Variants in FBXO34 observed in about 807,000 individuals in gnomAD.
FBXO34 encodes F-box protein 34.
Under a neutral mutation model 24.5 loss-of-function variants are expected in FBXO34, and 12 were observed. The observed-to-expected ratio is 0.49, with a 90% confidence interval of 0.31 to 0.79. FBXO34 has a LOEUF of 0.79. Ranked by LOEUF, FBXO34 falls within the 30% of genes least tolerant of loss-of-function variation. The probability of loss-of-function intolerance (pLI) is 0.04; values close to 1 mark genes in which losing one functional copy is unlikely to be tolerated. For missense variants in FBXO34, 823 were observed against 857.7 expected (o/e 0.96, Z 0.51); for synonymous variants, 320 against 311.9 (o/e 1.03, Z -0.27).
chr14:55,341,005 T>A (rs1219395080), intron 1 of FBXO34, among the ~76,000 whole-genome samples: 1 of 152,120 alleles, frequency 6.6e-6, no homozygotes, highest in Non-Finnish European at 1.5e-5. Context: ...TAAAAATACA[T>A]GTTAAAGAAA....
intron 1 of FBXO34, among the ~76,000 whole-genome samples, chr14:55,301,682 C>T (rs1882361804): frequency 1.3e-5 from 2 of 152,144 alleles, no homozygotes; most frequent in African/African-American, 4.8e-5. Context: ...ACTCTGCTCT[C>T]TTCAGTAGAA....
At chr14:55,436,822 A>G in the FBXO34 span, 2 of 1,614,230 alleles carry the variant, frequency 1.2e-6, no homozygotes, top group Admixed American at 3.3e-5. Flanking sequence ...GTGTTTGCTA[A>G]TGACAGGCTG....
chr14:55,336,277 G>T (rs1479709779), intron 1 of FBXO34, among the ~76,000 whole-genome samples: 1 of 151,956 alleles, frequency 6.6e-6, no homozygotes, highest in African/African-American at 2.4e-5. Context: ...TTTATTTCCT[G>T]TTCAGTTTTC....
chr14:55,391,357 T>C, the FBXO34 span: 2 of 163,204 alleles, frequency 1.2e-5, no homozygotes, highest in African/African-American at 4.9e-5. Context: ...ATGCCTGTAA[T>C]CCCAGCTACT....
chr14:55,378,170 C>A, the FBXO34 span: 1 of 994,638 alleles, frequency 1.0e-6, no homozygotes, highest in Non-Finnish European at 1.5e-6. Flanking sequence ...AACACATACT[C>A]TGTGCCCTTT....
chr14:55,307,961 C>G (rs1882608898), intron 1 of FBXO34, among the ~76,000 whole-genome samples: 1 of 152,102 alleles, frequency 6.6e-6, no homozygotes, highest in Admixed American at 6.5e-5. Flanking sequence ...AGGATAGGGC[C>G]AGGTGGAGAT....
chr14:55,296,173 G>C (rs1882114776), intron 1 of FBXO34, among the ~76,000 whole-genome samples: 1 of 152,022 alleles, frequency 6.6e-6, no homozygotes, highest in African/African-American at 2.4e-5. Context: ...AATAAAGCCA[G>C]AGTTGGCTCC....
downstream of FBXO34, among the ~76,000 whole-genome samples, chr14:55,363,625 A>C (rs1291257177): frequency 6.6e-6 from 1 of 152,124 alleles, no homozygotes; most frequent in Non-Finnish European, 1.5e-5. Context: ...CACCACGCCC[A>C]GCCCACAAGA....
At chr14:55,320,631 G>T (rs1194724282) in intron 1 of FBXO34, among the ~76,000 whole-genome samples, 1 of 152,096 alleles carries the variant, frequency 6.6e-6, no homozygotes, top group Non-Finnish European at 1.5e-5. Context: ...GGTAGTGGGC[G>T]CCTGTAGTCC....
chr14:55,428,190 C>T, the FBXO34 span, among the ~76,000 whole-genome samples: 1 of 125,982 alleles, frequency 7.9e-6, no homozygotes, highest in South Asian at 2.6e-4. Flanking sequence ...AGTCCAGTGG[C>T]GCGAGGTCGG....
intron 1 of FBXO34, among the ~76,000 whole-genome samples, chr14:55,327,979 TGTG>T (rs1451483312): frequency 1.6e-5 from 2 of 128,904 alleles, no homozygotes; most frequent in Non-Finnish European, 3.1e-5. Flanking sequence ...CAGGCTGGAG[TGTG>T]GTGGTGGTCT....
intron 1 of FBXO34, chr14:55,299,209 C>G: frequency 1.1e-6 from 1 of 935,528 alleles, no homozygotes; most frequent in East Asian, 2.4e-5. Context: ...GCCCTACCAT[C>G]AAAACCTGCC....
downstream of FBXO34, among the ~76,000 whole-genome samples, chr14:55,365,270 C>T (rs537240163): frequency 1.7e-4 from 25 of 151,054 alleles, no homozygotes; most frequent in South Asian, 1.5e-3. Flanking sequence ...CACTATGTTG[C>T]GCAAGTTGGC....
rs147983776 is a variant in FBXO34 at position 55,351,960 on chromosome 14, A to G, written c.1570A>G (p.Lys524Glu). 245 of 1,614,064 alleles carry G rather than the reference A, an allele frequency of 1.5e-4. No individual in the cohort carries two copies. The highest frequency in any genetic ancestry group is 1.9e-4 in the Non-Finnish European group (225 of 1,180,030). Residue 524 changes from lysine to glutamate, a missense_variant, in exon 2 of 2, where the codon AAA becomes GAA. Lys to Glu is a moderately conservative substitution (Grantham distance 56). Transcript: ENST00000313833. ...AAGGDSASEEKSGSAEPFVLP... is the reference protein window; with the variant it reads ...AAGGDSASEEESGSAEPFVLP... Reference sequence around the variant, plus strand: ...TGGGGGTGACAGTGCATCTGAGGAAAAAAGTGGGTCTGCTGAGCCATTTGT... The same window carrying G: ...TGGGGGTGACAGTGCATCTGAGGAAGAAAGTGGGTCTGCTGAGCCATTTGT...
chr14:55,308,494 G>A (rs894553616), intron 1 of FBXO34, among the ~76,000 whole-genome samples: 4 of 152,164 alleles, frequency 2.6e-5, no homozygotes, highest in Admixed American at 6.5e-5. Flanking sequence ...TTCCATAGTC[G>A]GGTTAATTAT....
the FBXO34 span, among the ~76,000 whole-genome samples, chr14:55,376,124 A>T: frequency 6.6e-6 from 1 of 152,188 alleles, no homozygotes; most frequent in Non-Finnish European, 1.5e-5. Flanking sequence ...CCAGGTGTGC[A>T]CTGAGACCCT....
the FBXO34 span, among the ~76,000 whole-genome samples, chr14:55,426,549 T>A: frequency 6.6e-6 from 1 of 152,036 alleles, no homozygotes; most frequent in Non-Finnish European, 1.5e-5. Context: ...AAAATTCAAA[T>A]CTTCTAAGAG....
intron 1 of FBXO34, among the ~76,000 whole-genome samples, chr14:55,336,107 C>T (rs1883767013): frequency 6.6e-6 from 1 of 152,102 alleles, no homozygotes; most frequent in Non-Finnish European, 1.5e-5. Flanking sequence ...AATTAAACTG[C>T]TCATTTAGAT....
At chr14:55,349,957 T>C (rs548914827) in intron 1 of FBXO34, among the ~76,000 whole-genome samples, 1 of 152,208 alleles carries the variant, frequency 6.6e-6, no homozygotes, top group South Asian at 2.1e-4. Context: ...ATGCGAATTG[T>C]GATGATTTAG....
Sources: gnomAD v4.1 joint callset for allele counts (sites outside exome capture counted in the v4.1 genomes callset) on GRCh38, gnomAD v4.1.1 for gene constraint, MANE v1.5 for transcripts, NCBI Gene and HGNC (gene_info 2026-07-23, HGNC 2026-07-21) for gene names.